Variants in CSMD1 observed in about 807,000 individuals in gnomAD.
CSMD1 encodes the protein CUB and sushi domain-containing protein 1.
CSMD1 carries 213 observed loss-of-function variants against 417.5 expected under a neutral mutation model. That is an observed-to-expected ratio of 0.51 (90% CI 0.46 to 0.57). CSMD1 has a LOEUF of 0.57. CSMD1 is among the 20% of genes least tolerant of loss of function. CSMD1 has a pLI of 0.00. For synonymous variants in CSMD1, 2,862 were observed against 1,736.8 expected, an observed-to-expected ratio of 1.65 and a Z score of -16.11; for missense variants, 6,923 against 4,529.7, an observed-to-expected ratio of 1.53 and a Z score of -15.17.
chr8:3,514,975 C>A (rs1467737728), intron 10 of CSMD1, among the ~76,000 whole-genome samples: 2 of 152,078 alleles, frequency 1.3e-5, no homozygotes, highest in Non-Finnish European at 2.9e-5. Context: ...ATCAAAGTGC[C>A]TTTTAAAAAC....
At chr8:3,458,830 G>A (rs2117141388) in intron 12 of CSMD1, among the ~76,000 whole-genome samples, 1 of 152,262 alleles carries the variant, frequency 6.6e-6, no homozygotes, top group East Asian at 1.9e-4. Context: ...TGAATAAAAT[G>A]GGGCTCTTTC....
At chr8:4,696,807 T>C (rs1411017011) in intron 1 of CSMD1, among the ~76,000 whole-genome samples, 1 of 152,216 alleles carries the variant, frequency 6.6e-6, no homozygotes, top group Non-Finnish European at 1.5e-5. Flanking sequence ...TACACAAATT[T>C]ATTAAATTTC....
intron 2 of CSMD1, among the ~76,000 whole-genome samples, chr8:4,617,767 T>A (rs1420371654): frequency 1.3e-5 from 2 of 152,094 alleles, no homozygotes; most frequent in African/African-American, 4.8e-5. Context: ...TTCCTCATTA[T>A]TAGAAAGTGA....
intron 3 of CSMD1, among the ~76,000 whole-genome samples, chr8:4,260,823 T>C (rs946533633): frequency 6.6e-6 from 1 of 152,192 alleles, no homozygotes; most frequent in Non-Finnish European, 1.5e-5. Flanking sequence ...ATGTATATTA[T>C]GACACTCTTT....
At chr8:4,090,711 T>A (rs1211962826) in intron 3 of CSMD1, among the ~76,000 whole-genome samples, 1 of 152,188 alleles carries the variant, frequency 6.6e-6, no homozygotes, top group Admixed American at 6.5e-5. Flanking sequence ...CTAGTGGAGT[T>A]TTAAATCAAT....
At chr8:3,875,296 G>T (rs1377637574) in intron 5 of CSMD1, among the ~76,000 whole-genome samples, 1 of 152,162 alleles carries the variant, frequency 6.6e-6, no homozygotes, top group African/African-American at 2.4e-5. Flanking sequence ...CTGCATTAAG[G>T]ATCCTAAACT....
At chr8:4,398,236 C>G (rs925752780) in intron 3 of CSMD1, among the ~76,000 whole-genome samples, 2 of 152,106 alleles carry the variant, frequency 1.3e-5, no homozygotes, top group African/African-American at 2.4e-5. Flanking sequence ...GGGCCTCACT[C>G]CAAGGAGGCT....
intron 6 of CSMD1, among the ~76,000 whole-genome samples, chr8:3,747,678 A>T (rs1356855488): frequency 6.6e-6 from 1 of 152,030 alleles, no homozygotes; most frequent in African/African-American, 2.4e-5. Context: ...TGTTGTGCCT[A>T]GCTGCTCATT....
At chr8:3,446,496 T>C (rs537658166) in intron 12 of CSMD1, among the ~76,000 whole-genome samples, 27 of 152,278 alleles carry the variant, frequency 1.8e-4, no homozygotes, top group Non-Finnish European at 3.1e-4. Context: ...AATTACTGAG[T>C]AGTTCATGGT....
chr8:4,320,929 C>G (rs1480839416), intron 3 of CSMD1, among the ~76,000 whole-genome samples: 2 of 152,166 alleles, frequency 1.3e-5, no homozygotes, highest in Non-Finnish European at 2.9e-5. Context: ...TTTGTATCCT[C>G]TCCTCCCAGT....
At chr8:3,644,979 A>AAAAAAAAAAAAAAAAAAAAAAT (rs1797505694) in intron 7 of CSMD1, among the ~76,000 whole-genome samples, 1 of 151,064 alleles carries the variant, frequency 6.6e-6, no homozygotes, top group African/African-American at 2.4e-5. Context: ...AAAAAAAAAA[A>AAAAAAAAAAAAAAAAAAAAAAT]AAAAAAAAAA....
At chr8:4,062,928 T>A (rs1322348600) in intron 3 of CSMD1, among the ~76,000 whole-genome samples, 1 of 136,448 alleles carries the variant, frequency 7.3e-6, no homozygotes, top group Non-Finnish European at 1.6e-5. Context: ...AAAAAAAAAA[T>A]TCTTCTATAT....
intron 1 of CSMD1, among the ~76,000 whole-genome samples, chr8:4,985,131 G>A (rs1024803719): frequency 6.6e-6 from 1 of 152,150 alleles, no homozygotes; most frequent in Non-Finnish European, 1.5e-5. Context: ...AAATACCACT[G>A]TTCTCACTTA....
chr8:3,358,424 G>A lies in CSMD1; in HGVS notation c.3304+728C>T, dbSNP rs1031309087. 4.0e-4 allele frequency among the ~76,000 whole-genome samples: 61 copies of A among 152,182 alleles called. 1 individual carries two copies. Among genetic ancestry groups the A allele is most frequent in the Non-Finnish European group, 2.9e-5 (2 of 68,032 alleles). Reference sequence around the variant, plus strand: ...TAACTACGAGAGCTCTGGCTGTGTGGACAACACACCCTATTTAAGCTACAA... The same window carrying A: ...TAACTACGAGAGCTCTGGCTGTGTGAACAACACACCCTATTTAAGCTACAA... On this transcript the variant is annotated intron_variant, in intron 21 of 69. Transcript: ENST00000635120.
intron 1 of CSMD1, among the ~76,000 whole-genome samples, chr8:4,753,995 T>C (rs183335551): frequency 6.6e-6 from 1 of 152,154 alleles, no homozygotes; most frequent in Non-Finnish European, 1.5e-5. Context: ...AGAGTAAAAA[T>C]AGTCTGCCCA....
intron 1 of CSMD1, among the ~76,000 whole-genome samples, chr8:4,870,178 G>C (rs1041278384): frequency 5.3e-5 from 8 of 152,134 alleles, no homozygotes; most frequent in African/African-American, 1.9e-4. Flanking sequence ...AATTTATAAA[G>C]TAAATAATGA....
intron 1 of CSMD1, among the ~76,000 whole-genome samples, chr8:4,686,444 T>G (rs1312821068): frequency 6.6e-6 from 1 of 152,218 alleles, no homozygotes; most frequent in Admixed American, 6.5e-5. Context: ...AGGCCATAAG[T>G]AGGCCTTGTG....
intron 6 of CSMD1, among the ~76,000 whole-genome samples, chr8:3,730,362 A>G (rs1366980121): frequency 2.3e-5 from 3 of 129,644 alleles, no homozygotes; most frequent in African/African-American, 8.6e-5. Context: ...AAAAAAATTT[A>G]AGGAGCGATT....
intron 5 of CSMD1, among the ~76,000 whole-genome samples, chr8:3,768,864 G>C (rs1190006729): frequency 6.6e-6 from 1 of 152,288 alleles, no homozygotes; most frequent in African/African-American, 2.4e-5. Flanking sequence ...ACAGGCTCTA[G>C]GAAATGTCCA....
Sources: allele counts gnomAD v4.1 joint callset (sites outside exome capture counted in the v4.1 genomes callset), GRCh38; gene constraint gnomAD v4.1.1; transcripts MANE v1.5; gene names NCBI Gene and HGNC (gene_info 2026-07-23, HGNC 2026-07-21).